Variants in PDZD2 observed in about 807,000 individuals in gnomAD.
PDZD2 encodes PDZ domain-containing protein 2.
Under a neutral mutation model 220.7 loss-of-function variants are expected in PDZD2, and 90 were observed. The observed-to-expected ratio is 0.41, with a 90% confidence interval of 0.34 to 0.49. The LOEUF (loss-of-function observed/expected upper bound fraction) is 0.49, where lower values mean the gene tolerates loss of function less well. PDZD2 is among the 20% of genes least tolerant of loss of function. The probability of loss-of-function intolerance (pLI) is 0.28; values close to 1 mark genes in which losing one functional copy is unlikely to be tolerated. For synonymous variants in PDZD2, 1,375 were observed against 1,450.5 expected (o/e 0.95, Z 1.18); for missense variants, 3,174 against 3,608.5 (o/e 0.88, Z 3.08).
At chr5:31,979,308 G>A (rs1258993335) in intron 2 of PDZD2, among the ~76,000 whole-genome samples, 2 of 152,268 alleles carry the variant, frequency 1.3e-5, no homozygotes, top group East Asian at 1.9e-4. Context: ...GGTAGCTCAC[G>A]CCTGTAATCC....
chr5:31,822,677 C>G (rs1755957925), intron 2 of PDZD2: 2 of 1,318,058 alleles, frequency 1.5e-6, no homozygotes, highest in Non-Finnish European at 2.1e-6. Context: ...GAATTTGAAA[C>G]AAGCTCAATG....
chr5:31,792,441 CAG>C (rs1753781109), intron 1 of PDZD2, among the ~76,000 whole-genome samples: 1 of 152,142 alleles, frequency 6.6e-6, no homozygotes, highest in Admixed American at 6.6e-5. Context: ...TTTTTTTAGA[CAG>C]AGTCTCACTC....
chr5:31,727,847 C>CA (rs1191176853), intron 1 of PDZD2, among the ~76,000 whole-genome samples: 3 of 151,140 alleles, frequency 2.0e-5, no homozygotes, highest in African/African-American at 7.3e-5. Context: ...ACTAAAAATA[C>CA]AAAAAATTTT....
chr5:32,012,886 C>T (rs1387099111), intron 6 of PDZD2, among the ~76,000 whole-genome samples: 1 of 151,272 alleles, frequency 6.6e-6, no homozygotes, highest in Non-Finnish European at 1.5e-5. Context: ...TATTATAATT[C>T]TAATGACTAC....
At chr5:32,044,088 G>A (rs1486350064) in intron 7 of PDZD2, among the ~76,000 whole-genome samples, 1 of 152,036 alleles carries the variant, frequency 6.6e-6, no homozygotes, top group African/African-American at 2.4e-5. Context: ...CAGCACTTTG[G>A]GAGGCTGAGG....
intron 7 of PDZD2, among the ~76,000 whole-genome samples, chr5:32,038,380 C>T (rs945052090): frequency 6.6e-6 from 1 of 150,916 alleles, no homozygotes; most frequent in African/African-American, 2.4e-5. Flanking sequence ...TACACACACA[C>T]ACAAAAATTA....
Position 31,983,326 on chromosome 5 carries a change from C to T in PDZD2, c.648C>T (p.Thr216=). ...GDRTAKKGKR[T]RKFGVISRPP... ...GAACTGCGAAAAAGGGGAAACGAAC[C>T]AGAAAGTTTGGGGTCATCTCCAGGC... Residue 216 remains threonine (T), a synonymous_variant, in exon 3 of 25, where the codon ACC becomes ACT. Transcript: ENST00000438447. The T allele has an allele frequency of 6.2e-7, 1 of 1,614,200 alleles. No homozygotes were observed.
At chr5:31,702,747 A>G (rs1747658542) in intron 1 of PDZD2, among the ~76,000 whole-genome samples, 1 of 152,366 alleles carries the variant, frequency 6.6e-6, no homozygotes, top group Non-Finnish European at 1.5e-5. Context: ...TATAATACTC[A>G]GCATTTGAGA....
chr5:31,919,064 G>C (rs1743935826), intron 2 of PDZD2, among the ~76,000 whole-genome samples: 2 of 152,186 alleles, frequency 1.3e-5, no homozygotes, highest in South Asian at 4.1e-4. Context: ...TTTGGTTAGT[G>C]ATGTAAATAA....
chr5:31,677,896 G>T (rs1371029178), intron 1 of PDZD2, among the ~76,000 whole-genome samples: 2 of 152,026 alleles, frequency 1.3e-5, no homozygotes, highest in Admixed American at 6.6e-5. Flanking sequence ...GAGGAGGAAG[G>T]GGGGAGGACC....
At chr5:31,823,636 C>T (rs115802785) in intron 2 of PDZD2, among the ~76,000 whole-genome samples, 1 of 152,248 alleles carries the variant, frequency 6.6e-6, no homozygotes, top group African/African-American at 2.4e-5. Flanking sequence ...ATTGGCAACT[C>T]ACAGGAAAAA....
At chr5:31,883,822 G>A (rs551461177) in intron 2 of PDZD2, among the ~76,000 whole-genome samples, 9 of 152,198 alleles carry the variant, frequency 5.9e-5, no homozygotes, top group African/African-American at 1.2e-4. Context: ...GGATGGTCTG[G>A]AACTCCTGGC....
rs749104089 is a variant in PDZD2 at position 32,109,539 on chromosome 5, A to G, written c.*1404A>G. On this transcript the variant is annotated 3_prime_UTR_variant, in exon 25 of 25. Coordinates refer to ENST00000438447, the MANE Select transcript of PDZD2 (RefSeq NM_178140.4). ...TATTTTCTTAGGTAAATAATTCCAA[A>G]CTCTCATCGGGTCATAAAGAGGAGG... is the stretch of plus-strand genomic sequence containing the variant. 1.3e-4 allele frequency: 19 copies of G among 151,954 alleles called. No individual in the cohort carries two copies. The highest frequency in any genetic ancestry group is 2.5e-4 in the Non-Finnish European group (17 of 67,994). The allele number at this position is 151,954 out of a possible 1,614,324, so 9.4% of individuals were successfully genotyped here.
rs1039638179 is a variant in PDZD2, at chr5:31,975,081, A to G, written c.477-8074A>G. Reference sequence around the variant, plus strand: ...CTCCCAATTTAAATTTTGTGATAACAATAATTAAATGTACACATTTTGTAA... The same window carrying G: ...CTCCCAATTTAAATTTTGTGATAACGATAATTAAATGTACACATTTTGTAA... On this transcript the variant is annotated intron_variant, in intron 2 of 24. Transcript: ENST00000438447. Among the ~76,000 whole-genome samples, 24 of 152,334 alleles carry G rather than the reference A, an allele frequency of 1.6e-4. 1 individual carries two copies. The highest frequency in any genetic ancestry group is 3.9e-4 in the Admixed American group (6 of 15,300).
At chr5:31,829,871 A>G (rs1580842045) in intron 2 of PDZD2, among the ~76,000 whole-genome samples, 2 of 151,132 alleles carry the variant, frequency 1.3e-5, no homozygotes, top group Admixed American at 1.3e-4. Context: ...ACATGGTGAA[A>G]CCCTGTCTGT....
intron 1 of PDZD2, among the ~76,000 whole-genome samples, chr5:31,709,729 G>C (rs1235607616): frequency 6.6e-6 from 1 of 152,250 alleles, no homozygotes; most frequent in Non-Finnish European, 1.5e-5. Flanking sequence ...GCCAAGGCAG[G>C]TGTGTCATCT....
chr5:31,937,317 G>A (rs749145014), intron 2 of PDZD2, among the ~76,000 whole-genome samples: 20 of 152,322 alleles, frequency 1.3e-4, no homozygotes, highest in East Asian at 1.2e-3. Flanking sequence ...GAAATGGTGC[G>A]TGTGGTCAGC....
chr5:31,820,239 C>G (rs1452601535), intron 2 of PDZD2, among the ~76,000 whole-genome samples: 2 of 152,194 alleles, frequency 1.3e-5, no homozygotes, highest in African/African-American at 4.8e-5. Flanking sequence ...CTTCTTAATT[C>G]CATCCCACTC....
intron 2 of PDZD2, among the ~76,000 whole-genome samples, chr5:31,800,278 G>A (rs1314922731): frequency 1.3e-5 from 2 of 152,218 alleles, no homozygotes; most frequent in African/African-American, 4.8e-5. Context: ...GACACAGAGA[G>A]TAGAGTCCGT....
Sources: gnomAD v4.1 joint callset for allele counts (sites outside exome capture counted in the v4.1 genomes callset) on GRCh38, gnomAD v4.1.1 for gene constraint, MANE v1.5 for transcripts, NCBI Gene and HGNC (gene_info 2026-07-23, HGNC 2026-07-21) for gene names.